PTPRD: variants seen among roughly 807,000 people sequenced by gnomAD.
PTPRD encodes receptor-type tyrosine-protein phosphatase delta.
In PTPRD, 34 loss-of-function variants were observed where a neutral mutation model predicts 214.5. The observed-to-expected ratio is 0.16, with a 90% CI of 0.12 to 0.21. The LOEUF (loss-of-function observed/expected upper bound fraction) is 0.21, where lower values mean the gene tolerates loss of function less well. Ranked by LOEUF, PTPRD falls within the 10% of genes least tolerant of loss-of-function variation. The pLI, the probability that PTPRD is intolerant of heterozygous loss-of-function variation, is 1.00. For synonymous variants in PTPRD, 1,128 were observed against 845.7 expected, an observed-to-expected ratio of 1.33 and a Z score of -5.79; for missense variants, 2,545 against 2,398.7, an observed-to-expected ratio of 1.06 and a Z score of -1.27.
At chr9:10,296,031 TAATTACACAAGTACAC>T (rs1403711856) in intron 3 of PTPRD, among the ~76,000 whole-genome samples, 1 of 152,018 alleles carries the variant, frequency 6.6e-6, no homozygotes, top group East Asian at 1.9e-4. Flanking sequence ...CATGGCAACA[TAATTACACAAGTACAC>T]AACTATTTAT....
intron 11 of PTPRD, chr9:8,797,180 T>C (rs1279469450): frequency 6.6e-6 from 1 of 152,146 alleles, no homozygotes; most frequent in East Asian, 1.9e-4. Context: ...TTCCAATTTT[T>C]GCCAGAAAGC....
chr9:9,483,066 G>C (rs937135268), intron 8 of PTPRD, among the ~76,000 whole-genome samples: 2 of 152,156 alleles, frequency 1.3e-5, no homozygotes, highest in South Asian at 2.1e-4. Context: ...TGCATTCAGA[G>C]TATGACTAAA....
intron 10 of PTPRD, among the ~76,000 whole-genome samples, chr9:9,044,663 C>G (rs76703962): frequency 1.9e-3 from 293 of 152,318 alleles, no homozygotes; most frequent in African/African-American, 6.7e-3. Context: ...CAGGACCTAT[C>G]AAGTCAATAC....
chr9:9,663,257 T>C (rs547936050), intron 7 of PTPRD, among the ~76,000 whole-genome samples: 13 of 151,574 alleles, frequency 8.6e-5, no homozygotes, highest in African/African-American at 2.9e-4. Context: ...TATTTTTAAA[T>C]AGGATTATAT....
chr9:9,173,343 A>T (rs962136001), intron 10 of PTPRD, among the ~76,000 whole-genome samples: 12 of 152,094 alleles, frequency 7.9e-5, no homozygotes, highest in African/African-American at 2.9e-4. Context: ...ATGAACTTCC[A>T]TTCTGTGTAG....
chr9:8,954,768 G>A (rs1376415430), intron 11 of PTPRD, among the ~76,000 whole-genome samples: 2 of 151,710 alleles, frequency 1.3e-5, no homozygotes, highest in African/African-American at 4.8e-5. Context: ...TTTCTCTTTA[G>A]GTATACAATG....
At chr9:10,214,581 T>C (rs2099532691) in intron 3 of PTPRD, among the ~76,000 whole-genome samples, 1 of 151,970 alleles carries the variant, frequency 6.6e-6, no homozygotes, top group Non-Finnish European at 1.5e-5. Context: ...CAGCCAACTA[T>C]TAATTCTTAC....
intron 9 of PTPRD, among the ~76,000 whole-genome samples, chr9:9,383,489 C>T (rs1461267100): frequency 6.6e-6 from 1 of 152,080 alleles, no homozygotes; most frequent in East Asian, 1.9e-4. Flanking sequence ...ATATCACCAA[C>T]TTGCTCTTCA....
intron 10 of PTPRD, among the ~76,000 whole-genome samples, chr9:9,130,618 T>C (rs1481799892): frequency 6.6e-6 from 1 of 152,210 alleles, no homozygotes; most frequent in Non-Finnish European, 1.5e-5. Context: ...TATTGAGACT[T>C]ACCTCAAAGT....
chr9:10,538,109 G>T (rs1040393796), intron 2 of PTPRD, among the ~76,000 whole-genome samples: 2 of 151,952 alleles, frequency 1.3e-5, no homozygotes, highest in African/African-American at 4.8e-5. Context: ...ACTCTGATTG[G>T]CCCAGCTTGA....
At chr9:9,494,645 T>A (rs756170250) in intron 8 of PTPRD, among the ~76,000 whole-genome samples, 1 of 152,218 alleles carries the variant, frequency 6.6e-6, no homozygotes, top group African/African-American at 2.4e-5. Flanking sequence ...AAGTAAACTA[T>A]GAAATATTGT....
chr9:10,245,059 T>C (rs544031050), intron 3 of PTPRD, among the ~76,000 whole-genome samples: 11 of 152,286 alleles, frequency 7.2e-5, no homozygotes, highest in Admixed American at 3.3e-4. Flanking sequence ...CAAACAGAAA[T>C]ATTATTTCTA....
At chr9:10,064,672 A>C (rs910069509) in intron 3 of PTPRD, among the ~76,000 whole-genome samples, 1 of 151,904 alleles carries the variant, frequency 6.6e-6, no homozygotes, top group Admixed American at 6.6e-5. Context: ...TTAAGCAATT[A>C]ACCCACAAAA....
intron 36 of PTPRD, among the ~76,000 whole-genome samples, chr9:8,395,831 A>G (rs1348896690): frequency 6.6e-6 from 1 of 152,054 alleles, no homozygotes; most frequent in African/African-American, 2.4e-5. Context: ...AGGAAAGTAG[A>G]CGGCTGATTG....
intron 11 of PTPRD, among the ~76,000 whole-genome samples, chr9:8,841,161 G>C (rs568126255): frequency 6.6e-6 from 1 of 152,158 alleles, no homozygotes; most frequent in Admixed American, 6.5e-5. Flanking sequence ...ATTTAGATCT[G>C]TAATTACAAG....
chr9:9,625,891 A>T (rs1034703375), intron 7 of PTPRD, among the ~76,000 whole-genome samples: 8 of 152,174 alleles, frequency 5.3e-5, no homozygotes, highest in African/African-American at 1.9e-4. Context: ...TTTTCTCTAG[A>T]GCAGGAGTCA....
intron 5 of PTPRD, among the ~76,000 whole-genome samples, chr9:9,840,070 C>G (rs1005504385): frequency 6.6e-6 from 1 of 151,996 alleles, no homozygotes; most frequent in Non-Finnish European, 1.5e-5. Flanking sequence ...CAGAGTCTCG[C>G]TCTGTCACCC....
intron 14 of PTPRD, among the ~76,000 whole-genome samples, chr9:8,589,323 A>G (rs1308920433): frequency 1.3e-5 from 2 of 152,184 alleles, no homozygotes; most frequent in African/African-American, 2.4e-5. Context: ...ATCTCATACA[A>G]TAACATTTAA....
chr9:8,785,035 T>C (rs2095881187), intron 11 of PTPRD, among the ~76,000 whole-genome samples: 1 of 151,998 alleles, frequency 6.6e-6, no homozygotes, highest in African/African-American at 2.4e-5. Context: ...AGTCCTGCCT[T>C]CTGAGACTAA....
Sources: gnomAD v4.1 joint callset for allele counts (sites outside exome capture counted in the v4.1 genomes callset) on GRCh38, gnomAD v4.1.1 for gene constraint, MANE v1.5 for transcripts, NCBI Gene and HGNC (gene_info 2026-07-23, HGNC 2026-07-21) for gene names.